Variants in CMPK1 observed in about 807,000 individuals in gnomAD.
The protein encoded by CMPK1 is cytidine/uridine monophosphate kinase 1.
In CMPK1, 10 loss-of-function variants were observed where a neutral mutation model predicts 25.7. That is an observed-to-expected ratio of 0.39 (90% CI 0.24 to 0.66). CMPK1 has a LOEUF of 0.66. CMPK1 is among the 30% of genes least tolerant of loss of function. CMPK1 has a pLI of 0.48. For missense variants in CMPK1, 199 were observed against 280.5 expected (o/e 0.71, Z 2.08); for synonymous variants, 106 against 101.5 (o/e 1.04, Z -0.27).
chr1:47,353,493 C>A (rs1038050970), intron 1 of CMPK1, among the ~76,000 whole-genome samples: 1 of 152,144 alleles, frequency 6.6e-6, no homozygotes, highest in Non-Finnish European at 1.5e-5. Flanking sequence ...TAGAGCAGTT[C>A]ACCAATATGT....
intron 1 of CMPK1, 51 bp from the exon 2 acceptor site, chr1:47,368,418 A>G (rs1446465726): frequency 6.7e-7 from 1 of 1,485,424 alleles, no homozygotes; most frequent in Non-Finnish European, 9.0e-7. Context: ...GTATAGTCCT[A>G]CCACTGGGTT....
At chr1:47,367,988 C>T (rs1026852476) in intron 1 of CMPK1, among the ~76,000 whole-genome samples, 10 of 152,086 alleles carry the variant, frequency 6.6e-5, no homozygotes, top group African/African-American at 7.2e-5. Flanking sequence ...GTCTCGCTGT[C>T]GCCCAGGCTG....
At chr1:47,338,050 T>G (rs182109351) in intron 1 of CMPK1, among the ~76,000 whole-genome samples, 14 of 152,298 alleles carry the variant, frequency 9.2e-5, no homozygotes, top group Non-Finnish European at 1.5e-4. Flanking sequence ...GTTTTTTTCC[T>G]GTAGGAAAAA....
intron 1 of CMPK1, among the ~76,000 whole-genome samples, chr1:47,339,892 G>A (rs192502938): frequency 6.9e-4 from 105 of 151,690 alleles, no homozygotes; most frequent in Admixed American, 2.3e-3. Flanking sequence ...ATTTTTAGTA[G>A]AGATGGGGTT....
intron 1 of CMPK1, among the ~76,000 whole-genome samples, chr1:47,352,265 C>A (rs1350338212): frequency 1.3e-5 from 2 of 152,158 alleles, no homozygotes; most frequent in Non-Finnish European, 2.9e-5. Flanking sequence ...TAAACATTTT[C>A]TCCCATCCTG....
chr1:47,336,886 G>A (rs1225395811), intron 1 of CMPK1, among the ~76,000 whole-genome samples: 1 of 152,206 alleles, frequency 6.6e-6, no homozygotes, highest in African/African-American at 2.4e-5. Flanking sequence ...TGTTATATTT[G>A]AATGCATTTA....
At chr1:47,355,639 C>G (rs1194879384) in intron 1 of CMPK1, among the ~76,000 whole-genome samples, 3 of 148,396 alleles carry the variant, frequency 2.0e-5, no homozygotes, top group Non-Finnish European at 3.0e-5. Context: ...CAGAGTCTCG[C>G]TCTGTTGCCC....
At position 47,337,761 on chromosome 1, in the gene CMPK1, C is replaced by T. The variant is rs542022246; in HGVS notation, c.171+3645C>T. On this transcript the variant is annotated intron_variant, in intron 1 of 5. Coordinates refer to ENST00000371873, the MANE Select transcript of CMPK1 (RefSeq NM_016308.3). Reference sequence around the variant, plus strand: ...CCGAGTAGCTTGGACTACAGGTGCGCGCCACCATGCCCGGCTAATTTTTGT... The same window carrying T: ...CCGAGTAGCTTGGACTACAGGTGCGTGCCACCATGCCCGGCTAATTTTTGT... 3.6e-4 allele frequency among the ~76,000 whole-genome samples: 54 copies of T among 151,928 alleles called. 1 individual carries two copies. The highest frequency in any genetic ancestry group is 6.6e-4 in the Non-Finnish European group (45 of 67,956).
At chr1:47,334,159 A>T (rs1048509911) in intron 1 of CMPK1, 43 bp downstream of exon 1, 1 of 1,424,504 alleles carries the variant, frequency 7.0e-7, no homozygotes, top group Non-Finnish European at 9.3e-7. Flanking sequence ...GCTTGACGGG[A>T]TGCGGGCCGG....
chr1:47,342,988 ATTT>A (rs71053106), intron 1 of CMPK1, among the ~76,000 whole-genome samples: 11 of 126,650 alleles, frequency 8.7e-5, no homozygotes, highest in Admixed American at 2.4e-4. Context: ...AACCATTTGT[ATTT>A]TTTTTTTTTT....
At chr1:47,343,755 G>A (rs779705512) in intron 1 of CMPK1, among the ~76,000 whole-genome samples, 1 of 151,932 alleles carries the variant, frequency 6.6e-6, no homozygotes, top group Non-Finnish European at 1.5e-5. Context: ...CTGCATGGTG[G>A]CGGGCGCCTG....
intron 2 of CMPK1, among the ~76,000 whole-genome samples, chr1:47,369,808 C>T (rs867679799): frequency 3.1e-4 from 47 of 151,882 alleles, no homozygotes; most frequent in African/African-American, 1.0e-3. Flanking sequence ...GATCTGCCTG[C>T]CTCAGCCTCC....
At position 47,378,729 on chromosome 1, in the gene CMPK1, AC is replaced by A. The variant is rs1386224555; in HGVS notation, c.*1988del. The A allele has an allele frequency of 6.6e-6, 1 of 152,014 alleles. No homozygotes were observed. The highest frequency in any genetic ancestry group is 2.4e-5 in the African/African-American group (1 of 41,402). 9.4% of individuals were successfully genotyped at this position (152,014 alleles called of 1,614,324 possible). On this transcript the variant is annotated 3_prime_UTR_variant, in exon 6 of 6. Transcript: ENST00000371873. Reference sequence around the variant, plus strand: ...AAGAATGTTTTGAGTTTTTTGAAAGACCCCAATTTAAGCCTTGCTTATTTTT... The same window carrying A: ...AAGAATGTTTTGAGTTTTTTGAAAGACCCAATTTAAGCCTTGCTTATTTTT...
chr1:47,378,329 A>G lies in CMPK1; in HGVS notation c.*1584A>G, dbSNP rs1646721262. The G allele has an allele frequency of 6.6e-6, 1 of 152,152 alleles. No homozygotes were observed. Among genetic ancestry groups the G allele is most frequent in the Admixed American group, 6.6e-5 (1 of 15,264 alleles). The allele number at this position is 152,152 out of a possible 1,614,324, so 9.4% of individuals were successfully genotyped here. On this transcript the variant is annotated 3_prime_UTR_variant, in exon 6 of 6. Coordinates refer to ENST00000371873, the MANE Select transcript of CMPK1 (RefSeq NM_016308.3). ...TCTTATCTAGTGTTGCAGGCCAGCA[A>G]ATACAGAGGTGGTTTAATCAAACAG...
intron 1 of CMPK1, among the ~76,000 whole-genome samples, chr1:47,363,484 C>T (rs953822255): frequency 3.3e-5 from 5 of 151,708 alleles, no homozygotes; most frequent in Admixed American, 6.6e-5. Flanking sequence ...AAATTTGCTG[C>T]GCATGGTGGC....
intron 1 of CMPK1, among the ~76,000 whole-genome samples, chr1:47,367,024 C>A (rs1478841823): frequency 6.6e-6 from 1 of 152,092 alleles, no homozygotes; most frequent in Admixed American, 6.6e-5. Flanking sequence ...CCGCACCCAG[C>A]CTTTTTTTCT....
rs369595846 is a variant in CMPK1 at position 47,368,452 on chromosome 1, A to G, written c.172-17A>G. The G allele has an allele frequency of 3.7e-4, 579 of 1,580,184 alleles. 1 individual carries two copies. Among genetic ancestry groups the G allele is most frequent in the Non-Finnish European group, 4.7e-4 (549 of 1,164,562 alleles). ...TTGAATGAATTCTGATATTTTTCCT[A>G]TGTGTGCTTCTTTCAGAAATATGGC... On this transcript the variant is annotated splice_polypyrimidine_tract_variant and intron_variant, in intron 1 of 5. Coordinates refer to ENST00000371873, the MANE Select transcript of CMPK1 (RefSeq NM_016308.3).
At position 47,356,998 on chromosome 1, in the gene CMPK1, CTG is replaced by C. The variant is rs574942098; in HGVS notation, c.172-11469_172-11468del. Among the ~76,000 whole-genome samples, 28 of 141,702 alleles carry C rather than the reference CTG, an allele frequency of 2.0e-4. No homozygotes were observed. In the South Asian group the frequency reaches 5.1e-3, roughly 26 times the overall value. The allele number at this position is 141,702 out of a possible 152,430, so 93.0% of individuals were successfully genotyped here. A position where few individuals can be genotyped will look rare whatever the true frequency, so the allele number is the denominator to read the frequency against. Reference sequence around the variant, plus strand: ...TTTTTTTTTGAGACCGAGTCTTGCCCTGTCGCCCAGGCTGGAGTGCAGTGGCA... The same window carrying C: ...TTTTTTTTTGAGACCGAGTCTTGCCCTCGCCCAGGCTGGAGTGCAGTGGCA... On this transcript the variant is annotated intron_variant, in intron 1 of 5. Transcript: ENST00000371873.
intron 1 of CMPK1, among the ~76,000 whole-genome samples, chr1:47,338,720 C>T (rs956043629): frequency 4.0e-5 from 6 of 151,648 alleles, no homozygotes; most frequent in Non-Finnish European, 1.5e-5. Flanking sequence ...TGAAAATGAG[C>T]TATTTTCTAA....
Sources: gnomAD v4.1 joint callset for allele counts (sites outside exome capture counted in the v4.1 genomes callset) on GRCh38, gnomAD v4.1.1 for gene constraint, MANE v1.5 for transcripts, NCBI Gene and HGNC (gene_info 2026-07-23, HGNC 2026-07-21) for gene names.